GRM5: variants seen among roughly 807,000 people sequenced by gnomAD.
GRM5 encodes the protein metabotropic glutamate receptor 5.
A neutral mutation model predicts 83.1 loss-of-function variants in GRM5; 19 were observed. That is an observed-to-expected ratio of 0.23 (90% CI 0.16 to 0.34). The LOEUF is 0.34. Among genes scored for constraint, GRM5 ranks in the 10% least tolerant of loss-of-function variants. The pLI is 1.00. For missense variants in GRM5, 1,160 were observed against 1,588.3 expected, an observed-to-expected ratio of 0.73 and a Z score of 4.58; for synonymous variants, 675 against 633.6, an observed-to-expected ratio of 1.07 and a Z score of -0.98.
intron 3 of GRM5, among the ~76,000 whole-genome samples, chr11:88,653,755 G>A (rs1358949242): frequency 6.6e-6 from 1 of 151,798 alleles, no homozygotes; most frequent in Non-Finnish European, 1.5e-5. Context: ...TAATAGCCAG[G>A]TAAAGTTAAC....
chr11:88,923,280 C>G (rs953173450), intron 2 of GRM5, among the ~76,000 whole-genome samples: 1 of 151,968 alleles, frequency 6.6e-6, no homozygotes, highest in Non-Finnish European at 1.5e-5. Flanking sequence ...TGAAAATAAC[C>G]AAGATTTGTA....
At chr11:88,960,285 C>T (rs943400691) in intron 2 of GRM5, among the ~76,000 whole-genome samples, 6 of 151,748 alleles carry the variant, frequency 4.0e-5, no homozygotes, top group Non-Finnish European at 8.8e-5. Context: ...AGACATTATC[C>T]AATAATTAAC....
At chr11:88,992,899 A>C (rs1410308178) in intron 2 of GRM5, among the ~76,000 whole-genome samples, 1 of 151,804 alleles carries the variant, frequency 6.6e-6, no homozygotes, top group African/African-American at 2.4e-5. Flanking sequence ...ATAGCAGTAG[A>C]AGATATACCG....
At chr11:89,000,422 C>T (rs1440713514) in intron 2 of GRM5, among the ~76,000 whole-genome samples, 3 of 151,982 alleles carry the variant, frequency 2.0e-5, no homozygotes, top group Admixed American at 6.6e-5. Flanking sequence ...ATAAATATGC[C>T]CAACTGATTT....
chr11:88,900,892 C>CTT, intron 2 of GRM5, among the ~76,000 whole-genome samples: 1 of 152,222 alleles, frequency 6.6e-6, no homozygotes, highest in Admixed American at 6.6e-5. Context: ...TCAAAACCAC[C>CTT]TTATGAAATG....
At chr11:88,976,550 A>G (rs1267177030) in intron 2 of GRM5, among the ~76,000 whole-genome samples, 1 of 152,042 alleles carries the variant, frequency 6.6e-6, no homozygotes, top group Non-Finnish European at 1.5e-5. Context: ...GCTTGGCAAA[A>G]AAAAAAAATG....
At chr11:88,708,961 G>T (rs1478779883) in intron 3 of GRM5, among the ~76,000 whole-genome samples, 7 of 152,094 alleles carry the variant, frequency 4.6e-5, no homozygotes, top group Non-Finnish European at 8.8e-5. Flanking sequence ...GCAGAAGGAA[G>T]TAAACAGAAA....
chr11:88,912,039 T>A, intron 2 of GRM5: 1 of 469,478 alleles, frequency 2.1e-6, no homozygotes, highest in Non-Finnish European at 4.4e-6. Context: ...CACAAATAAG[T>A]ATTGTACAAT....
chr11:88,892,913 A>G (rs1303409101), intron 2 of GRM5, among the ~76,000 whole-genome samples: 1 of 152,022 alleles, frequency 6.6e-6, no homozygotes, highest in Non-Finnish European at 1.5e-5. Context: ...GGGAAAATAA[A>G]GCCAAGAAAC....
At chr11:88,626,553 AG>A (rs111504776) in intron 4 of GRM5, among the ~76,000 whole-genome samples, 2 of 152,270 alleles carry the variant, frequency 1.3e-5, no homozygotes, top group Admixed American at 6.5e-5. Context: ...TGAAATTGCT[AG>A]GAAAAAAGTG....
intron 2 of GRM5, among the ~76,000 whole-genome samples, chr11:88,878,938 C>T (rs1328618696): frequency 6.6e-6 from 1 of 152,032 alleles, no homozygotes; most frequent in African/African-American, 2.4e-5. Flanking sequence ...AAGAGACTGG[C>T]ACAAATTACG....
At chr11:89,041,535 A>G (rs1941534655) in intron 2 of GRM5, among the ~76,000 whole-genome samples, 1 of 152,200 alleles carries the variant, frequency 6.6e-6, no homozygotes, top group African/African-American at 2.4e-5. Flanking sequence ...CCACATGTGG[A>G]TATGTCAGCA....
intron 3 of GRM5, among the ~76,000 whole-genome samples, chr11:88,757,594 C>A (rs1471313265): frequency 6.6e-6 from 1 of 152,052 alleles, no homozygotes; most frequent in Non-Finnish European, 1.5e-5. Flanking sequence ...ATGTCCCACC[C>A]CCCTGCTAAC....
intron 2 of GRM5, among the ~76,000 whole-genome samples, chr11:88,974,304 G>C (rs1205792148): frequency 2.0e-5 from 3 of 152,042 alleles, no homozygotes; most frequent in Admixed American, 6.6e-5. Context: ...GAGTAGATAT[G>C]AAAATGGAGA....
intron 9 of GRM5, among the ~76,000 whole-genome samples, 172 bp downstream of exon 9, chr11:88,525,137 G>A (rs1032212148): frequency 1.3e-5 from 2 of 152,174 alleles, no homozygotes; most frequent in African/African-American, 4.8e-5. Context: ...CTACACATGA[G>A]GGTGTCATAG....
At chr11:88,537,810 T>A (rs1942169612) in intron 8 of GRM5, among the ~76,000 whole-genome samples, 1 of 152,022 alleles carries the variant, frequency 6.6e-6, no homozygotes, top group Non-Finnish European at 1.5e-5. Context: ...TAAATCAGAT[T>A]AAAAACAAAA....
intron 8 of GRM5, among the ~76,000 whole-genome samples, chr11:88,561,979 G>A (rs1035132035): frequency 1.3e-5 from 2 of 152,030 alleles, no homozygotes; most frequent in African/African-American, 4.8e-5. Flanking sequence ...AATTTGCTTC[G>A]TCTAGCCCCC....
intron 3 of GRM5, among the ~76,000 whole-genome samples, chr11:88,789,533 A>G (rs1269648514): frequency 2.0e-5 from 3 of 152,116 alleles, no homozygotes; most frequent in African/African-American, 2.4e-5. Flanking sequence ...GCCATTTTTG[A>G]TATTTTTAAT....
At chr11:88,769,495 T>C (rs1038180067) in intron 3 of GRM5, among the ~76,000 whole-genome samples, 1 of 152,010 alleles carries the variant, frequency 6.6e-6, no homozygotes, top group African/African-American at 2.4e-5. Context: ...CAGTGTTGCT[T>C]GGAGAAATGG....
Sources: allele counts gnomAD v4.1 joint callset (sites outside exome capture counted in the v4.1 genomes callset), GRCh38; gene constraint gnomAD v4.1.1; transcripts MANE v1.5; gene names NCBI Gene and HGNC (gene_info 2026-07-23, HGNC 2026-07-21).